Variants in SPTBN2 observed in about 807,000 individuals in gnomAD.
SPTBN2 encodes the protein spectrin beta chain, non-erythrocytic 2.
Under a neutral mutation model 284.2 loss-of-function variants are expected in SPTBN2, and 107 were observed. That is an observed-to-expected ratio of 0.38 (90% CI 0.32 to 0.44). The LOEUF (loss-of-function observed/expected upper bound fraction) is 0.44, where lower values mean the gene tolerates loss of function less well. SPTBN2 is among the 20% of genes least tolerant of loss of function. SPTBN2 has a pLI of 1.00. For missense variants in SPTBN2, 2,569 were observed against 3,287.1 expected (o/e 0.78, Z 5.34); for synonymous variants, 1,289 against 1,354.8 (o/e 0.95, Z 1.07).
intron 8 of SPTBN2, chr11:66,713,068 CTCTTT>C (rs1235647387): frequency 6.4e-6 from 1 of 156,826 alleles, no homozygotes; most frequent in Non-Finnish European, 1.4e-5. Context: ...GACCAATTCT[CTCTTT>C]TAAGACATGA....
intron 1 of SPTBN2, among the ~76,000 whole-genome samples, chr11:66,736,816 C>A (rs1341841165): frequency 2.0e-5 from 3 of 152,184 alleles, no homozygotes; most frequent in Admixed American, 6.5e-5. Context: ...CATTTGAGGT[C>A]AGTTTTCTGT....
intron 1 of SPTBN2, among the ~76,000 whole-genome samples, chr11:66,725,862 T>C (rs1401428733): frequency 2.0e-5 from 3 of 152,190 alleles, no homozygotes; most frequent in Non-Finnish European, 4.4e-5. Flanking sequence ...TCCTATACCC[T>C]GGGCTACAGG....
rs1940371588 is a variant in SPTBN2 at position 66,689,275 on chromosome 11, CTTT to C, written c.5950-98_5950-96del. 4 of 1,334,814 alleles carry C rather than the reference CTTT, an allele frequency of 3.0e-6. No homozygotes were observed. In the Admixed American group the frequency reaches 8.9e-5, roughly 30 times the overall value. 82.7% of individuals were successfully genotyped at this position (1,334,814 alleles called of 1,614,324 possible). ...ATCCAGGGGGACAGGTGATTTCTTT[CTTT>C]CTTTCTTTTTTTTGAGACGGAGTTT... On this transcript the variant is annotated intron_variant, in intron 29 of 37. Transcript: ENST00000533211.
Position 66,691,466 on chromosome 11 carries a change from GA to G in SPTBN2, c.5382del (p.Gln1795ArgfsTer125). 1 of 1,611,732 alleles carries G rather than the reference GA, an allele frequency of 6.2e-7. No homozygotes were observed. Among genetic ancestry groups the G allele is most frequent in the Non-Finnish European group, 8.5e-7 (1 of 1,179,956 alleles). On this transcript the variant is annotated frameshift_variant, in exon 27 of 38. Transcript: ENST00000533211. LOFTEE classifies it high-confidence loss of function. This position sits in a 1 kb window ranked among gnomAD's most constrained non-coding sequence, Gnocchi z 8.0. ...AGCTCGTACGCCGCGGCCAGCACCT[GA>G]CCCCGTGTGTCCAGCAGCTCAAGCA... ...ADLLELLDTR[G>X]QVLAAAYELQ...
intron 22 of SPTBN2, 75 bp downstream of exon 22, chr11:66,694,064 C>T: frequency 2.6e-6 from 4 of 1,554,380 alleles, no homozygotes; most frequent in Non-Finnish European, 3.5e-6. Context: ...GCTGGCATCT[C>T]CCTGGCATCC....
At chr11:66,690,381 A>C in intron 27 of SPTBN2, 98 bp from the exon 28 acceptor site, 9 of 1,437,354 alleles carry the variant, frequency 6.3e-6, no homozygotes, top group Non-Finnish European at 8.2e-6. Flanking sequence ...TGCCTGTCTC[A>C]CAGCCAAAGA....
rs775558666 is a variant in SPTBN2, at chr11:66,692,559, C to T, written c.5167G>A (p.Gly1723Ser). The change falls in exon 26 of 38, where the codon GGC becomes AGC. Residue 1723 changes from glycine to serine, a missense_variant. By Grantham distance (56) the Gly-to-Ser change is moderately conservative. This residue lies in a region of SPTBN2 where 1,130 missense variants were observed against 1,317.3 expected (regional missense o/e 0.86). Coordinates refer to ENST00000533211, the MANE Select transcript of SPTBN2 (RefSeq NM_006946.4). ...ACAGTCACATGCTCGTAGTCCTGGC[C>T]CAGCTCGTGGGAGGCCGCCACCACC... ...REVVAASHELGQDYEHVTMLR... is the reference protein window; with the variant it reads ...REVVAASHELSQDYEHVTMLR... The T allele has an allele frequency of 1.2e-6, 2 of 1,604,566 alleles. No individual in the cohort carries two copies. Among genetic ancestry groups the T allele is most frequent in the Non-Finnish European group, 1.7e-6 (2 of 1,179,956 alleles).
upstream of SPTBN2, among the ~76,000 whole-genome samples, chr11:66,732,723 T>C (rs1942822419): frequency 6.7e-6 from 1 of 150,224 alleles, no homozygotes; most frequent in Non-Finnish European, 1.5e-5. Context: ...CCCAGCACTT[T>C]GGGAGGCTGA....
chr11:66,742,114 GCCTGA>G (rs1942899616), intron 1 of SPTBN2, among the ~76,000 whole-genome samples: 1 of 152,174 alleles, frequency 6.6e-6, no homozygotes, highest in Admixed American at 6.5e-5. Flanking sequence ...GAGCCACCAT[GCCTGA>G]TTTATTCATA....
rs776079433 is a variant in SPTBN2 at position 66,691,449 on chromosome 11, C to T, written c.5400G>A (p.Ala1800=). ...CGTGCAGGAAGCGCTGCAGCTCGTA[C>T]GCCGCGGCCAGCACCTGACCCCGTG... is the stretch of plus-strand genomic sequence containing the variant. ...LDTRGQVLAA[A]YELQRFLHGA... is the part of the protein sequence containing the mutation. The change falls in exon 27 of 38, where the codon GCG becomes GCA. Residue 1800 remains alanine (A), a synonymous_variant. Coordinates refer to ENST00000533211, the MANE Select transcript of SPTBN2 (RefSeq NM_006946.4). The surrounding 1 kb of genome is among the most constrained non-coding windows in gnomAD (Gnocchi z 8.0). The T allele has an allele frequency of 9.3e-5, 150 of 1,611,684 alleles. No homozygotes were observed. Among genetic ancestry groups the T allele is most frequent in the Non-Finnish European group, 1.2e-4 (138 of 1,179,888 alleles).
chr11:66,693,257 G>A lies in SPTBN2; in HGVS notation c.4783C>T (p.Arg1595Cys), dbSNP rs549977438. Residue 1595 changes from arginine (R) to cysteine (C), a missense_variant, in exon 24 of 38, where the codon CGC becomes TGC. This residue lies in a region of SPTBN2 where 1,130 missense variants were observed against 1,317.3 expected (regional missense o/e 0.86). Coordinates refer to ENST00000533211, the MANE Select transcript of SPTBN2 (RefSeq NM_006946.4). The surrounding 1 kb of genome is among the most constrained non-coding windows in gnomAD (Gnocchi z 5.7). ...CAGGCCTCCGCCTCGGCGGCATCGCGGTAGAACTGCTGGGCTCGCAGGGCA... is the reference window on the plus strand; with the variant it reads ...CAGGCCTCCGCCTCGGCGGCATCGCAGTAGAACTGCTGGGCTCGCAGGGCA... ...EDALRAQQFY[R>C]DAAEAEAWMG... is the part of the protein sequence containing the mutation. 13 of 1,614,098 alleles carry A rather than the reference G, an allele frequency of 8.1e-6. No homozygotes were observed. The highest frequency in any genetic ancestry group is 1.6e-4 in the Middle Eastern group (1 of 6,062).
At chr11:66,712,479 G>A (rs747792891) in intron 8 of SPTBN2, among the ~76,000 whole-genome samples, 8 of 151,922 alleles carry the variant, frequency 5.3e-5, no homozygotes, top group Non-Finnish European at 8.8e-5. Context: ...CCCAGGAGGC[G>A]GAGGTTGCAG....
intron 3 of SPTBN2, 56 bp downstream of exon 3, chr11:66,721,028 C>T (rs936957438): frequency 4.3e-6 from 7 of 1,611,288 alleles, no homozygotes; most frequent in Admixed American, 1.7e-5. Flanking sequence ...CTCTTCATGA[C>T]GAGCTGACAA....
chr11:66,744,147 C>T (rs534846817), intron 1 of SPTBN2, among the ~76,000 whole-genome samples: 5 of 152,196 alleles, frequency 3.3e-5, no homozygotes, highest in Non-Finnish European at 5.9e-5. Flanking sequence ...GGGCGTGAGC[C>T]ACTGCGCCCG....
rs771136591 is a variant in SPTBN2, at chr11:66,707,775, C to T, written c.1394G>A (p.Arg465Gln). The change falls in exon 13 of 38, where the codon CGG (arginine) becomes CAG (glutamine). Residue 465 changes from arginine (R) to glutamine (Q), a missense_variant. This residue lies in a region of SPTBN2 where 1,012 missense variants were observed against 1,248.9 expected (regional missense o/e 0.81). Coordinates refer to ENST00000533211, the MANE Select transcript of SPTBN2 (RefSeq NM_006946.4). The surrounding 1 kb of genome is among the most constrained non-coding windows in gnomAD (Gnocchi z 4.9). ...GTCCGTCTCAATGGCTTCGTGCTTC[C>T]GTACTGCTGCCTCGACAGCTGCCAG... is the stretch of plus-strand genomic sequence containing the variant. ...LELAAVEAAV[R>Q]KHEAIETDIV... 5 of 1,609,364 alleles carry T rather than the reference C, an allele frequency of 3.1e-6. No homozygotes were observed. The highest frequency in any genetic ancestry group is 2.2e-5 in the East Asian group (1 of 44,862).
chr11:66,696,637 A>C, intron 20 of SPTBN2, 97 bp from the exon 21 acceptor site: 1 of 1,503,982 alleles, frequency 6.6e-7, no homozygotes, highest in Non-Finnish European at 9.1e-7. Context: ...AGAGACCTGA[A>C]GTGTGGGCAA....
At position 66,688,091 on chromosome 11, in the gene SPTBN2, A is replaced by G; in HGVS notation, c.6375-12T>C. The G allele has an allele frequency of 6.2e-7, 1 of 1,614,000 alleles. No homozygotes were observed. The highest frequency in any genetic ancestry group is 8.5e-7 in the Non-Finnish European group (1 of 1,180,014). On this transcript the variant is annotated splice_polypyrimidine_tract_variant and intron_variant, in intron 32 of 37. Coordinates refer to ENST00000533211, the MANE Select transcript of SPTBN2 (RefSeq NM_006946.4). The stretch of plus-strand genomic sequence containing the variant: ...GCCGTGGCTGGGTTCTGGGATGACC[A>G]AAGGCAACACAGAATCATTAGTCCC...
chr11:66,724,814 C>T (rs116413198), intron 1 of SPTBN2, among the ~76,000 whole-genome samples: 1,649 of 152,248 alleles, frequency 0.011, 36 homozygotes, highest in African/African-American at 0.037. Flanking sequence ...CCTACCTACC[C>T]GAGTCTCACC....
chr11:66,711,296 A>G (rs1941852951), intron 8 of SPTBN2, among the ~76,000 whole-genome samples: 1 of 152,254 alleles, frequency 6.6e-6, no homozygotes. Context: ...TTCCCCGTGG[A>G]GACCAAAATC....
Sources: allele counts gnomAD v4.1 joint callset (sites outside exome capture counted in the v4.1 genomes callset), GRCh38; gene constraint gnomAD v4.1.1; regional missense constraint gnomAD v4.1.1; non-coding constraint Gnocchi (gnomAD v3.1); transcripts MANE v1.5; gene names NCBI Gene and HGNC (gene_info 2026-07-23, HGNC 2026-07-21).